Variants in CYTH3 observed in about 807,000 individuals in gnomAD.
CYTH3 encodes the protein cytohesin-3.
A neutral mutation model predicts 55.1 loss-of-function variants in CYTH3; 23 were observed. The ratio of observed to expected loss-of-function variants is 0.42; its 90% CI spans 0.30 to 0.59. The LOEUF is 0.59. Among genes scored for constraint, CYTH3 ranks in the 20% least tolerant of loss-of-function variants. The pLI is 0.20. For missense variants in CYTH3, 413 were observed against 524.8 expected, an observed-to-expected ratio of 0.79 and a Z score of 2.08; for synonymous variants, 249 against 194.9, an observed-to-expected ratio of 1.28 and a Z score of -2.31.
At chr7:6,187,517 G>A in intron 3 of CYTH3, 140 bp downstream of exon 3, 1 of 758,774 alleles carries the variant, frequency 1.3e-6, no homozygotes, top group East Asian at 2.6e-5. Context: ...ACGCAGAGTA[G>A]GGGGAGAGGA....
chr7:6,198,281 C>A (rs747558233), intron 1 of CYTH3, among the ~76,000 whole-genome samples: 1 of 152,156 alleles, frequency 6.6e-6, no homozygotes, highest in Non-Finnish European at 1.5e-5. Flanking sequence ...CCAGTCTCTG[C>A]GGAGCTTCTA....
At chr7:6,201,339 G>A (rs933259262) in intron 1 of CYTH3, among the ~76,000 whole-genome samples, 1 of 152,222 alleles carries the variant, frequency 6.6e-6, no homozygotes, top group Non-Finnish European at 1.5e-5. Context: ...CAGGAAAGCC[G>A]CAGAGGCTCC....
At chr7:6,187,191 CT>C (rs1478067025) in intron 3 of CYTH3, 75 bp from the exon 4 acceptor site, 57 of 1,476,430 alleles carry the variant, frequency 3.9e-5, no homozygotes, top group African/African-American at 5.5e-5. Flanking sequence ...CTCCAGTGTA[CT>C]TTCCCCCGCA....
chr7:6,235,898 T>C (rs1487180052), intron 1 of CYTH3, among the ~76,000 whole-genome samples: 1 of 152,180 alleles, frequency 6.6e-6, no homozygotes, highest in African/African-American at 2.4e-5. Flanking sequence ...GTTGAATCAG[T>C]ACAGGGCAGT....
At position 6,228,888 on chromosome 7, in the gene CYTH3, G is replaced by C. The variant is rs544025398; in HGVS notation, c.35-38357C>G. ...TCTAATTTTGTTAGACATTTTTATT[G>C]GTAATTAGTGAGTTATTGAGGATGC... On this transcript the variant is annotated intron_variant, in intron 1 of 12. Coordinates refer to ENST00000350796, the MANE Select transcript of CYTH3 (RefSeq NM_004227.4). Among the ~76,000 whole-genome samples, 58 of 152,230 alleles carry C rather than the reference G, an allele frequency of 3.8e-4. 2 individuals carry two copies. In the South Asian group the frequency reaches 0.011, roughly 29 times the overall value.
intron 1 of CYTH3, among the ~76,000 whole-genome samples, chr7:6,225,950 T>A (rs1384537958): frequency 2.0e-5 from 3 of 152,172 alleles, no homozygotes; most frequent in Non-Finnish European, 4.4e-5. Flanking sequence ...CCTTCCAAAG[T>A]GCTGGGATTA....
intron 4 of CYTH3, among the ~76,000 whole-genome samples, chr7:6,179,653 CCCACACA>C (rs1783431390): frequency 2.0e-5 from 2 of 99,650 alleles, no homozygotes; most frequent in Admixed American, 1.0e-4. Context: ...CACCCCACAC[CCCACACA>C]CACCCCACAC....
rs558316833 is a variant in CYTH3 at position 6,189,994 on chromosome 7, CCACTG to C, written c.117+450_117+454del. Among the ~76,000 whole-genome samples the C allele has an allele frequency of 4.6e-5, 7 of 152,212 alleles. No individual in the cohort carries two copies. In the South Asian group the frequency reaches 1.5e-3, roughly 32 times the overall value. ...AAGGATGCAGTGAGCCCAGATTGTG[CCACTG>C]CACTCCAGCCTGGGCAACAGAGCGA... On this transcript the variant is annotated intron_variant, in intron 2 of 12. Transcript: ENST00000350796.
rs149569194 is a variant in CYTH3, at chr7:6,228,706, C to T, written c.35-38175G>A. ...AGCAGGGTCCTCCCACACTTTCTAT[C>T]AACCCCTCCCACAGACCAGATCCAC... On this transcript the variant is annotated intron_variant, in intron 1 of 12. Transcript: ENST00000350796. Among the ~76,000 whole-genome samples the T allele has an allele frequency of 1.8e-4, 28 of 152,304 alleles. 1 individual carries two copies. Among genetic ancestry groups the T allele is most frequent in the African/African-American group, 4.8e-4 (20 of 41,580 alleles).
intron 1 of CYTH3, among the ~76,000 whole-genome samples, chr7:6,218,441 C>G (rs748862734): frequency 3.3e-5 from 5 of 152,166 alleles, no homozygotes; most frequent in Non-Finnish European, 5.9e-5. Flanking sequence ...CATTGGACAC[C>G]TTCATTTTGG....
At chr7:6,179,081 AT>A (rs777531550) in intron 4 of CYTH3, among the ~76,000 whole-genome samples, 1 of 152,000 alleles carries the variant, frequency 6.6e-6, no homozygotes, top group Non-Finnish European at 1.5e-5. Flanking sequence ...GAAATTTCCT[AT>A]TTTTTTTAAA....
chr7:6,227,450 C>A (rs1272681542), intron 1 of CYTH3, among the ~76,000 whole-genome samples: 1 of 152,156 alleles, frequency 6.6e-6, no homozygotes, highest in Admixed American at 6.6e-5. Flanking sequence ...AACAGCCCTT[C>A]CTGATTTAAA....
intron 1 of CYTH3, among the ~76,000 whole-genome samples, chr7:6,233,015 T>C (rs925154800): frequency 1.3e-5 from 2 of 152,114 alleles, no homozygotes; most frequent in African/African-American, 4.8e-5. Context: ...ACTTCTACAG[T>C]CCATTCTCTC....
chr7:6,264,538 G>A (rs933123067), intron 1 of CYTH3, among the ~76,000 whole-genome samples: 1 of 152,162 alleles, frequency 6.6e-6, no homozygotes, highest in Non-Finnish European at 1.5e-5. Flanking sequence ...CTTGCACCCA[G>A]GAGATGGAGA....
At chr7:6,267,763 C>CGGGT (rs1353692175) in intron 1 of CYTH3, among the ~76,000 whole-genome samples, 1 of 152,170 alleles carries the variant, frequency 6.6e-6, no homozygotes, top group Non-Finnish European at 1.5e-5. Context: ...ACCTCATGAT[C>CGGGT]TACCCGCCTT....
chr7:6,176,254 ATTTTTT>A (rs776819156), intron 5 of CYTH3, among the ~76,000 whole-genome samples: 14 of 82,902 alleles, frequency 1.7e-4, no homozygotes, highest in African/African-American at 5.8e-4. Flanking sequence ...AATACAATTG[ATTTTTT>A]TTTTTTTTTT....
chr7:6,174,378 G>C (rs1339305923), intron 5 of CYTH3, among the ~76,000 whole-genome samples: 3 of 152,016 alleles, frequency 2.0e-5, no homozygotes, highest in African/African-American at 4.8e-5. Context: ...GCCTCCCAAA[G>C]TGCTGGGATT....
chr7:6,247,748 C>T (rs191638380), intron 1 of CYTH3, among the ~76,000 whole-genome samples: 3 of 152,064 alleles, frequency 2.0e-5, no homozygotes, highest in South Asian at 2.1e-4. Context: ...TGGGCTCAAG[C>T]GATCCTCCCA....
At chr7:6,223,460 A>T (rs1779143913) in intron 1 of CYTH3, among the ~76,000 whole-genome samples, 1 of 152,216 alleles carries the variant, frequency 6.6e-6, no homozygotes, top group Admixed American at 6.5e-5. Flanking sequence ...AGAAGTTGAC[A>T]TAGGAGACAT....
Sources: allele counts gnomAD v4.1 joint callset (sites outside exome capture counted in the v4.1 genomes callset), GRCh38; gene constraint gnomAD v4.1.1; transcripts MANE v1.5; gene names NCBI Gene and HGNC (gene_info 2026-07-23, HGNC 2026-07-21).